ARHGEF28: variants seen among roughly 807,000 people sequenced by gnomAD.
ARHGEF28 encodes the protein Rho guanine nucleotide exchange factor 28, also known as 190 kDa guanine nucleotide exchange factor.
ARHGEF28 carries 152 observed loss-of-function variants against 206.6 expected under a neutral mutation model. That is an observed-to-expected ratio of 0.74 (90% CI 0.64 to 0.84). The LOEUF (loss-of-function observed/expected upper bound fraction) is 0.84, where lower values mean the gene tolerates loss of function less well. ARHGEF28 is among the 40% of genes least tolerant of loss of function. The pLI, the probability that ARHGEF28 is intolerant of heterozygous loss-of-function variation, is 0.00. For missense variants in ARHGEF28, 2,028 were observed against 2,073.2 expected, an observed-to-expected ratio of 0.98 and a Z score of 0.42; for synonymous variants, 763 against 776.4, an observed-to-expected ratio of 0.98 and a Z score of 0.29.
chr5:73,674,189 A>G (rs1348063031), intron 1 of ARHGEF28, among the ~76,000 whole-genome samples: 1 of 152,102 alleles, frequency 6.6e-6, no homozygotes, highest in Non-Finnish European at 1.5e-5. Flanking sequence ...AACAAAACCA[A>G]AAACAAAACA....
chr5:73,889,226 G>GT (rs1761482804), intron 26 of ARHGEF28, among the ~76,000 whole-genome samples: 1 of 152,218 alleles, frequency 6.6e-6, no homozygotes, highest in Non-Finnish European at 1.5e-5. Flanking sequence ...TCCACTCCTT[G>GT]TGCCCTTTAG....
chr5:73,840,653 A>G lies in ARHGEF28; in HGVS notation c.1320A>G (p.Glu440=). 1 of 1,613,844 alleles carries G rather than the reference A, an allele frequency of 6.2e-7. No individual in the cohort carries two copies. The highest frequency in any genetic ancestry group is 8.5e-7 in the Non-Finnish European group (1 of 1,179,800). Residue 440 remains glutamate, a synonymous_variant, in exon 11 of 36, where the codon GAA becomes GAG. Transcript: ENST00000513042. ...ATGTCGAAGGGACAGCACACACTGA[A>G]GCCCAGCAGTCCTTCATGTCACCAT... ...SENVEGTAHT[E]AQQSFMSPSS... is the part of the protein sequence containing the mutation.
intron 4 of ARHGEF28, among the ~76,000 whole-genome samples, chr5:73,758,741 T>C (rs145988347): frequency 0.021 from 3,129 of 152,066 alleles, 122 homozygotes; most frequent in African/African-American, 0.071. Flanking sequence ...TTTTTAGAGA[T>C]GGGGTTTCAC....
chr5:73,639,997 A>T (rs538828114), intron 1 of ARHGEF28, among the ~76,000 whole-genome samples: 2 of 152,320 alleles, frequency 1.3e-5, no homozygotes, highest in East Asian at 3.9e-4. Context: ...GAATGTCTAA[A>T]CCAGAATATG....
At chr5:73,905,500 A>G (rs1762501050) in intron 33 of ARHGEF28, among the ~76,000 whole-genome samples, 1 of 152,230 alleles carries the variant, frequency 6.6e-6, no homozygotes, top group Non-Finnish European at 1.5e-5. Context: ...ATTTGAGAAT[A>G]CAAGTAAATG....
At position 73,659,625 on chromosome 5, in the gene ARHGEF28, G is replaced by A. The variant is rs374941356; in HGVS notation, c.-11-25216G>A. Among the ~76,000 whole-genome samples the A allele has an allele frequency of 1.3e-3, 200 of 152,150 alleles. 1 individual carries two copies. Among genetic ancestry groups the A allele is most frequent in the African/African-American group, 4.7e-3 (196 of 41,526 alleles). ...TGAACTAAAAGTTAGTCCTATTAAT[G>A]TGATGAAAAAGTACTGATTAAGTAA... is the stretch of plus-strand genomic sequence containing the variant. On this transcript the variant is annotated intron_variant, in intron 1 of 35. Transcript: ENST00000513042.
chr5:73,923,126 C>A, intron 35 of ARHGEF28: 2 of 1,535,826 alleles, frequency 1.3e-6, no homozygotes, highest in Non-Finnish European at 1.7e-6. Flanking sequence ...TTGACATCTC[C>A]CCCGGGACTG....
At chr5:73,633,494 G>A (rs762091313) in intron 1 of ARHGEF28, among the ~76,000 whole-genome samples, 18 of 151,792 alleles carry the variant, frequency 1.2e-4, no homozygotes, top group South Asian at 8.3e-4. Context: ...TTGTAAAAAG[G>A]ACTCAATAAG....
intron 2 of ARHGEF28, among the ~76,000 whole-genome samples, chr5:73,686,045 C>G (rs17552213): frequency 0.2 from 30,756 of 152,120 alleles, 3,307 homozygotes; most frequent in Non-Finnish European, 0.24. Flanking sequence ...ATGACACATA[C>G]TTCTCTGGAG....
intron 29 of ARHGEF28, among the ~76,000 whole-genome samples, chr5:73,896,033 G>A (rs1369530392): frequency 6.6e-6 from 1 of 152,130 alleles, no homozygotes; most frequent in Non-Finnish European, 1.5e-5. Flanking sequence ...TGTTGCTGGT[G>A]CTAGGGAGGC....
chr5:73,762,744 T>C (rs949498895), intron 4 of ARHGEF28, among the ~76,000 whole-genome samples: 5 of 152,154 alleles, frequency 3.3e-5, no homozygotes, highest in African/African-American at 1.2e-4. Context: ...ACATGAGATA[T>C]ATCACTGCAG....
chr5:73,903,439 G>A (rs1024403334), intron 31 of ARHGEF28: 9 of 152,170 alleles, frequency 5.9e-5, no homozygotes, highest in Non-Finnish European at 1.2e-4. Context: ...CTACTCACTG[G>A]TTTGCATCCT....
At position 73,873,170 on chromosome 5, in the gene ARHGEF28, A is replaced by G. The variant is rs1208238203; in HGVS notation, c.2738A>G (p.Glu913Gly). Residue 913 changes from glutamate to glycine, a missense_variant, in exon 22 of 36, where the codon GAA becomes GGA. Glu to Gly is a moderately conservative substitution (Grantham distance 98, BLOSUM62 -2). Coordinates refer to ENST00000513042, the MANE Select transcript of ARHGEF28 (RefSeq NM_001177693.2). ...IHRHFFYSMK[E>G]RRQESCAGSD... is the part of the protein sequence containing the mutation. ...AGGCATTTCTTCTACAGTATGAAGG[A>G]ACGAAGGCAGGAATCCTGTGCTGGC... 1 of 1,612,598 alleles carries G rather than the reference A, an allele frequency of 6.2e-7. No homozygotes were observed. Among genetic ancestry groups the G allele is most frequent in the South Asian group, 1.1e-5 (1 of 90,644 alleles).
rs12654332 is a variant in ARHGEF28 at position 73,861,707 on chromosome 5, A to G, written c.2048-3110A>G. On this transcript the variant is annotated intron_variant, in intron 16 of 35. Coordinates refer to ENST00000513042, the MANE Select transcript of ARHGEF28 (RefSeq NM_001177693.2). Reference sequence around the variant, plus strand: ...AATTTTTTAAACAAATAATTTGGCAATGAGCATTCCTTTGCACATATCATT... The same window carrying G: ...AATTTTTTAAACAAATAATTTGGCAGTGAGCATTCCTTTGCACATATCATT... 2.5e-3 allele frequency among the ~76,000 whole-genome samples: 384 copies of G among 152,354 alleles called. 9 individuals carry two copies. The East Asian group carries it at 0.065, about 26-fold the overall frequency.
chr5:73,819,861 GC>G (rs1756460227), intron 9 of ARHGEF28, among the ~76,000 whole-genome samples: 2 of 152,268 alleles, frequency 1.3e-5, no homozygotes, highest in Admixed American at 1.3e-4. Context: ...TGTTTAAGAT[GC>G]AGCTTGAGTG....
chr5:73,864,737 G>A, intron 16 of ARHGEF28, 80 bp from the exon 17 acceptor site: 1 of 1,235,898 alleles, frequency 8.1e-7, no homozygotes, highest in Non-Finnish European at 1.1e-6. Flanking sequence ...ATAATGACCA[G>A]TGAAAGCATG....
chr5:73,684,884 CG>C lies in ARHGEF28; in HGVS notation c.33+1del. 6.2e-7 allele frequency: 1 copy of C among 1,612,022 alleles called. No homozygotes were observed. The highest frequency in any genetic ancestry group is 8.5e-7 in the Non-Finnish European group (1 of 1,178,806). On this transcript the variant is annotated splice_donor_variant, in intron 2 of 35. Coordinates refer to ENST00000513042, the MANE Select transcript of ARHGEF28 (RefSeq NM_001177693.2). LOFTEE classifies it high-confidence loss of function. The stretch of plus-strand genomic sequence containing the variant: ...TGAGCTGCAGCGAAGCACCTCTTTA[CG>C]TAAGTTGCTAAGCACGGGGCTTCAG...
intron 2 of ARHGEF28, among the ~76,000 whole-genome samples, chr5:73,741,379 GTGTGTGTATATA>G (rs1751395941): frequency 5.3e-5 from 2 of 37,668 alleles, no homozygotes; most frequent in Non-Finnish European, 9.5e-5. Flanking sequence ...GTGTGTGTGT[GTGTGTGTATATA>G]TATATATATA....
At chr5:73,824,732 T>G (rs1001349445) in intron 9 of ARHGEF28, among the ~76,000 whole-genome samples, 3 of 152,056 alleles carry the variant, frequency 2.0e-5, no homozygotes, top group Non-Finnish European at 4.4e-5. Flanking sequence ...CCTCCCAAAG[T>G]GCTGGGATTA....
Sources: allele counts gnomAD v4.1 joint callset (sites outside exome capture counted in the v4.1 genomes callset), GRCh38; gene constraint gnomAD v4.1.1; transcripts MANE v1.5; gene names NCBI Gene and HGNC (gene_info 2026-07-23, HGNC 2026-07-21).